Variants in ZNF385D observed in about 807,000 individuals in gnomAD.
ZNF385D encodes zinc finger protein 385D, also known as zinc finger protein 659.
A neutral mutation model predicts 35.8 loss-of-function variants in ZNF385D; 15 were observed. The ratio of observed to expected loss-of-function variants is 0.42; its 90% confidence interval spans 0.28 to 0.64. The LOEUF (loss-of-function observed/expected upper bound fraction) is 0.64, where lower values mean the gene tolerates loss of function less well. Ranked by LOEUF, ZNF385D falls within the 30% of genes least tolerant of loss-of-function variation. The pLI, the probability that ZNF385D is intolerant of heterozygous loss-of-function variation, is 0.23. For synonymous variants in ZNF385D, 212 were observed against 186.8 expected, an observed-to-expected ratio of 1.13 and a Z score of -1.10; for missense variants, 474 against 494.6, an observed-to-expected ratio of 0.96 and a Z score of 0.39.
At chr3:22,043,029 C>T (rs745750011) in intron 3 of ZNF385D, among the ~76,000 whole-genome samples, 1 of 152,142 alleles carries the variant, frequency 6.6e-6, no homozygotes, top group Non-Finnish European at 1.5e-5. Flanking sequence ...CTTAACAAGG[C>T]TCCAAACTGA....
At chr3:21,609,747 G>A (rs2064609794) in intron 2 of ZNF385D, among the ~76,000 whole-genome samples, 2 of 152,210 alleles carry the variant, frequency 1.3e-5, no homozygotes, top group African/African-American at 4.8e-5. Flanking sequence ...AGCTGAAAGA[G>A]TGTGTGTTCC....
chr3:22,075,838 A>G (rs945287893), intron 3 of ZNF385D, among the ~76,000 whole-genome samples: 46 of 152,052 alleles, frequency 3.0e-4, no homozygotes, highest in Non-Finnish European at 1.5e-5. Context: ...CTTCAAATGC[A>G]TAAATGAGTT....
At chr3:22,357,867 G>T (rs1415239549) in intron 2 of ZNF385D, among the ~76,000 whole-genome samples, 1 of 151,854 alleles carries the variant, frequency 6.6e-6, no homozygotes, top group African/African-American at 2.4e-5. Flanking sequence ...TAACTTCAAG[G>T]GGGTGGAGAA....
intron 3 of ZNF385D, among the ~76,000 whole-genome samples, chr3:21,965,494 C>T (rs1702863009): frequency 7.0e-6 from 1 of 142,180 alleles, no homozygotes; most frequent in Non-Finnish European, 1.5e-5. Context: ...AAGAACATCC[C>T]TCAGAGTAAC....
intron 3 of ZNF385D, among the ~76,000 whole-genome samples, chr3:21,818,017 T>C (rs1183127785): frequency 6.6e-6 from 1 of 152,214 alleles, no homozygotes; most frequent in Non-Finnish European, 1.5e-5. Flanking sequence ...GATGAGTTCA[T>C]GTCCTTTGTA....
At chr3:21,997,958 T>G (rs76433098) in intron 3 of ZNF385D, among the ~76,000 whole-genome samples, 6 of 150,682 alleles carry the variant, frequency 4.0e-5, no homozygotes, top group African/African-American at 1.5e-4. Context: ...AGAAGATCAG[T>G]AAGACTTGTT....
intron 3 of ZNF385D, among the ~76,000 whole-genome samples, chr3:21,899,815 T>C (rs1699311226): frequency 6.6e-6 from 1 of 152,152 alleles, no homozygotes; most frequent in Non-Finnish European, 1.5e-5. Context: ...AATTTCCCAC[T>C]AAAATGATGA....
intron 3 of ZNF385D, among the ~76,000 whole-genome samples, chr3:21,819,404 A>C (rs965496157): frequency 5.3e-5 from 8 of 151,442 alleles, no homozygotes; most frequent in African/African-American, 1.9e-4. Flanking sequence ...AAAAATCTGA[A>C]AGTAAAACGG....
intron 3 of ZNF385D, among the ~76,000 whole-genome samples, chr3:22,141,531 T>G (rs1372544082): frequency 6.6e-6 from 1 of 152,132 alleles, no homozygotes; most frequent in African/African-American, 2.4e-5. Context: ...CTCAATTATT[T>G]GCACCAATGG....
At chr3:21,685,256 GTC>G (rs1486635322) in intron 1 of ZNF385D, among the ~76,000 whole-genome samples, 1 of 152,124 alleles carries the variant, frequency 6.6e-6, no homozygotes, top group East Asian at 1.9e-4. Flanking sequence ...CAAGAGGAGT[GTC>G]TCTGAAGATT....
intron 2 of ZNF385D, among the ~76,000 whole-genome samples, chr3:22,309,357 A>G (rs563960550): frequency 1.2e-4 from 19 of 152,206 alleles, no homozygotes; most frequent in African/African-American, 4.3e-4. Flanking sequence ...ATAATAAATG[A>G]TTCTAAGAAA....
rs1228574145 is a variant in ZNF385D at position 21,424,301 on chromosome 3, T to TTATATATA, written c.853-245_853-238dup. Among the ~76,000 whole-genome samples the TTATATATA allele has an allele frequency of 9.0e-3, 717 of 80,096 alleles. 32 individuals carry two copies. The highest frequency in any genetic ancestry group is 0.036 in the South Asian group (73 of 2,034). 52.5% of individuals were successfully genotyped at this position (80,096 alleles called of 152,430 possible). The stretch of plus-strand genomic sequence containing the variant: ...TATATATATACTTATATATATATAT[T>TTATATATA]TATATATATATATATATTTTTTTTT... On this transcript the variant is annotated intron_variant, in intron 6 of 7. Transcript: ENST00000281523.
intron 3 of ZNF385D, among the ~76,000 whole-genome samples, chr3:22,157,211 A>T (rs1444936688): frequency 6.6e-6 from 1 of 152,074 alleles, no homozygotes; most frequent in African/African-American, 2.4e-5. Flanking sequence ...TTTCCTTTGT[A>T]TTAGTTTATG....
At chr3:21,575,823 C>T (rs535775480) in intron 2 of ZNF385D, among the ~76,000 whole-genome samples, 152 of 152,278 alleles carry the variant, frequency 1.0e-3, no homozygotes, top group African/African-American at 3.6e-3. Context: ...AGCAGAGTGG[C>T]TCACACTTAT....
chr3:21,622,868 A>G (rs2065043410), intron 2 of ZNF385D, among the ~76,000 whole-genome samples: 1 of 152,082 alleles, frequency 6.6e-6, no homozygotes, highest in African/African-American at 2.4e-5. Context: ...TATGTGGAGG[A>G]TGAAAGCAAA....
intron 2 of ZNF385D, among the ~76,000 whole-genome samples, chr3:22,297,478 G>C (rs1702652586): frequency 6.6e-6 from 1 of 152,090 alleles, no homozygotes; most frequent in South Asian, 2.1e-4. Context: ...CAAGCCCCTT[G>C]AGCGGCAAAC....
intron 2 of ZNF385D, among the ~76,000 whole-genome samples, chr3:21,661,251 G>A (rs1320291): frequency 0.14 from 20,900 of 152,068 alleles, 1,571 homozygotes; most frequent in African/African-American, 0.17. Flanking sequence ...CCCTCACTAA[G>A]ACAACCATAC....
intron 2 of ZNF385D, among the ~76,000 whole-genome samples, chr3:22,316,258 C>G (rs1703879084): frequency 6.6e-6 from 1 of 152,180 alleles, no homozygotes; most frequent in Admixed American, 6.5e-5. Context: ...GCCTTTAGTT[C>G]TCAGGGAGGC....
chr3:21,763,215 T>C, intron 3 of ZNF385D, among the ~76,000 whole-genome samples: 1 of 152,118 alleles, frequency 6.6e-6, no homozygotes, highest in East Asian at 1.9e-4. Flanking sequence ...ACCCAAGATT[T>C]AAATGGACAC....
Sources: allele counts gnomAD v4.1 joint callset (sites outside exome capture counted in the v4.1 genomes callset), GRCh38; gene constraint gnomAD v4.1.1; transcripts MANE v1.5; gene names NCBI Gene and HGNC (gene_info 2026-07-23, HGNC 2026-07-21).